The following ITPRID1 variants were observed in gnomAD, a reference collection of about 807,000 sequenced individuals.
ITPRID1 encodes the protein ITPR interacting domain containing 1.
Under a neutral mutation model 95.4 loss-of-function variants are expected in ITPRID1, and 96 were observed. The observed-to-expected ratio is 1.01, with a 90% confidence interval of 0.85 to 1.19. The LOEUF is 1.19. Ranked by LOEUF, ITPRID1 falls within the 50% of genes most tolerant of loss-of-function variation. ITPRID1 has a pLI of 0.00. For synonymous variants in ITPRID1, 510 were observed against 453.6 expected, an observed-to-expected ratio of 1.12 and a Z score of -1.58; for missense variants, 1,339 against 1,252.9, an observed-to-expected ratio of 1.07 and a Z score of -1.04.
In ITPRID1 at chr7:31,571,460, T is replaced by C. The variant is rs185539404; in HGVS notation, c.309-642T>C. 5.0e-3 allele frequency among the ~76,000 whole-genome samples: 763 copies of C among 152,368 alleles called. 9 individuals are homozygous for C. Among genetic ancestry groups the C allele is most frequent in the African/African-American group, 0.018 (729 of 41,584 alleles). On this transcript the variant is annotated intron_variant, in intron 6 of 14. Coordinates refer to ENST00000615280, the MANE Select transcript of ITPRID1 (RefSeq NM_001257967.3). ...TATGCCAACTGGCTATTATATTTGA[T>C]GGGGCTAGATGTGATCCATGGTATA...
Position 31,566,086 on chromosome 7 carries a change from C to T in ITPRID1, c.257-3672C>T, listed in dbSNP as rs76366398. The stretch of plus-strand genomic sequence containing the variant: ...CCTGATCAAGTGACAGGACACAGGG[C>T]GTGGTCCATGGAGTGTATCCTCTAG... On this transcript the variant is annotated intron_variant, in intron 5 of 14. Transcript: ENST00000615280. Among the ~76,000 whole-genome samples the T allele has an allele frequency of 5.8e-4, 88 of 152,266 alleles. No homozygotes were observed. In the East Asian group the frequency reaches 0.016, roughly 28 times the overall value.
chr7:31,652,927 C>G lies in ITPRID1; in HGVS notation c.*98C>G. On this transcript the variant is annotated 3_prime_UTR_variant, in exon 15 of 15. Coordinates refer to ENST00000615280, the MANE Select transcript of ITPRID1 (RefSeq NM_001257967.3). The stretch of plus-strand genomic sequence containing the variant: ...TTCCCCAAGGAGAAGGGTCTGCCAA[C>G]CCATTGTCAGCTATATCTCTCATAT... The G allele has an allele frequency of 1.2e-5, 18 of 1,525,436 alleles. No individual in the cohort carries two copies. In the South Asian group the frequency reaches 2.4e-4, roughly 20 times the overall value. 94.5% of individuals were successfully genotyped at this position (1,525,436 alleles called of 1,614,324 possible).
intron 5 of ITPRID1, among the ~76,000 whole-genome samples, chr7:31,555,937 A>G (rs911159336): frequency 2.4e-4 from 36 of 152,282 alleles, no homozygotes; most frequent in African/African-American, 8.2e-4. Flanking sequence ...AAATACTGTA[A>G]AGATTTTTGC....
intron 5 of ITPRID1, chr7:31,555,150 A>G: frequency 2.6e-6 from 1 of 381,504 alleles, no homozygotes; most frequent in South Asian, 6.0e-5. Flanking sequence ...AGAGTATAGC[A>G]TAAACTCACT....
chr7:31,600,275 T>C (rs1786337136), intron 10 of ITPRID1, among the ~76,000 whole-genome samples: 1 of 152,256 alleles, frequency 6.6e-6, no homozygotes, highest in Non-Finnish European at 1.5e-5. Context: ...TAACAATATG[T>C]ATCAGAAAGC....
chr7:31,616,533 C>A (rs1271525824), intron 10 of ITPRID1, among the ~76,000 whole-genome samples: 3 of 152,180 alleles, frequency 2.0e-5, no homozygotes, highest in South Asian at 4.1e-4. Context: ...AGGAGGTCAT[C>A]TGCCCATCAA....
At position 31,578,363 on chromosome 7, in the gene ITPRID1, T is replaced by C; in HGVS notation, c.1099T>C (p.Phe367Leu). 2 of 1,613,754 alleles carry C rather than the reference T, an allele frequency of 1.2e-6. No homozygotes were observed. The highest frequency in any genetic ancestry group is 1.1e-5 in the South Asian group (1 of 91,076). Residue 367 changes from phenylalanine (F) to leucine (L), a missense_variant, in exon 9 of 15, where the codon TTT becomes CTT. Physicochemically the swap from Phe to Leu is conservative, Grantham distance 22. Transcript: ENST00000615280. Reference protein sequence around the residue: ...VKGRTQKENLFQTNKLKSLSH... With the variant: ...VKGRTQKENLLQTNKLKSLSH... ...GGGCAGAACTCAGAAGGAGAACTTATTTCAGACTAACAAGCTCAAGAGCTT... is the reference window on the plus strand; with the variant it reads ...GGGCAGAACTCAGAAGGAGAACTTACTTCAGACTAACAAGCTCAAGAGCTT...
chr7:31,598,699 G>C (rs973729850), intron 10 of ITPRID1, among the ~76,000 whole-genome samples: 2 of 151,794 alleles, frequency 1.3e-5, no homozygotes, highest in African/African-American at 4.8e-5. Flanking sequence ...CACCGCGCTC[G>C]GTCTAAAATA....
At chr7:31,551,175 T>G (rs1784274875) in intron 2 of ITPRID1, among the ~76,000 whole-genome samples, 1 of 143,386 alleles carries the variant, frequency 7.0e-6, no homozygotes, top group Non-Finnish European at 1.6e-5. Context: ...GGTTTTGGAG[T>G]TTTTCCTCCT....
At chr7:31,551,101 A>G (rs1784272879) in intron 2 of ITPRID1, among the ~76,000 whole-genome samples, 1 of 143,116 alleles carries the variant, frequency 7.0e-6, no homozygotes, top group South Asian at 2.3e-4. Context: ...GTGATATGTT[A>G]TTCTTTTCTT....
Position 31,571,669 on chromosome 7 carries a change from G to T in ITPRID1, c.309-433G>T, listed in dbSNP as rs528758371. Among the ~76,000 whole-genome samples, 10 of 152,324 alleles carry T rather than the reference G, an allele frequency of 6.6e-5. No individual in the cohort carries two copies. In the East Asian group the frequency reaches 1.7e-3, roughly 26 times the overall value. On this transcript the variant is annotated intron_variant, in intron 6 of 14. Coordinates refer to ENST00000615280, the MANE Select transcript of ITPRID1 (RefSeq NM_001257967.3). The stretch of plus-strand genomic sequence containing the variant: ...GCCCTGGAGACAGCACTTAGAGAGT[G>T]TTAGCCATGTGATATGAAATCCTTC...
chr7:31,602,036 AG>A (rs201690591), intron 10 of ITPRID1, among the ~76,000 whole-genome samples: 55 of 151,954 alleles, frequency 3.6e-4, no homozygotes, highest in Middle Eastern at 6.8e-3. Flanking sequence ...CTTTATGATA[AG>A]GGGTTTTTTT....
At chr7:31,645,015 G>T (rs1040790446) in intron 12 of ITPRID1, among the ~76,000 whole-genome samples, 1 of 152,044 alleles carries the variant, frequency 6.6e-6, no homozygotes, top group African/African-American at 2.4e-5. Context: ...ATAAATATTT[G>T]TTGGGCTCCT....
chr7:31,519,299 G>A (rs1213783531), intron 1 of ITPRID1, among the ~76,000 whole-genome samples: 1 of 152,080 alleles, frequency 6.6e-6, no homozygotes, highest in Non-Finnish European at 1.5e-5. Context: ...GAGCTTGGAG[G>A]AGGGGCACAT....
In ITPRID1 at chr7:31,651,020, A is replaced by C. The variant is rs74421000; in HGVS notation, c.2584-122A>C. On this transcript the variant is annotated intron_variant, in intron 12 of 14. Transcript: ENST00000615280. ...GCTCTTCCTATTCCCTCCCCCTTAT[A>C]TTAGCAGTAGGGCCTGTTTGCGAAA... 4.1e-3 allele frequency: 4,233 copies of C among 1,043,588 alleles called. 132 individuals are homozygous for C. In the African/African-American group the frequency reaches 0.059, roughly 15 times the overall value. The allele number at this position is 1,043,588 out of a possible 1,614,324, so 64.6% of individuals were successfully genotyped here.
At chr7:31,540,479 A>C (rs1783898964) in intron 1 of ITPRID1, among the ~76,000 whole-genome samples, 1 of 152,208 alleles carries the variant, frequency 6.6e-6, no homozygotes, top group Admixed American at 6.5e-5. Flanking sequence ...ATGAGTCAAG[A>C]CTAGAATTTA....
chr7:31,654,053 C>A lies in ITPRID1; in HGVS notation c.*1224C>A, dbSNP rs1247817872. On this transcript the variant is annotated 3_prime_UTR_variant, in exon 15 of 15. Coordinates refer to ENST00000615280, the MANE Select transcript of ITPRID1 (RefSeq NM_001257967.3). ...GAAAGAGTTGGATGAAGAGTAAGTC[C>A]AAAAAAAAAAAAAAAAAAACCAACA... Among the ~76,000 whole-genome samples the A allele has an allele frequency of 4.6e-5, 6 of 130,330 alleles. No individual in the cohort carries two copies. The highest frequency in any genetic ancestry group is 8.5e-5 in the African/African-American group (3 of 35,342). The allele number at this position is 130,330 out of a possible 152,430, so 85.5% of individuals were successfully genotyped here.
chr7:31,556,409 G>C (rs559723739), intron 5 of ITPRID1, among the ~76,000 whole-genome samples: 3 of 152,084 alleles, frequency 2.0e-5, no homozygotes, highest in Admixed American at 2.0e-4. Context: ...GGTTTGTTTC[G>C]TCTGTTTGTT....
intron 5 of ITPRID1, among the ~76,000 whole-genome samples, chr7:31,564,656 G>T (rs1784735829): frequency 6.6e-6 from 1 of 152,162 alleles, no homozygotes; most frequent in South Asian, 2.1e-4. Context: ...CAGGTAGCAG[G>T]AGTAGTTTGT....
Sources: gnomAD v4.1 joint callset for allele counts (sites outside exome capture counted in the v4.1 genomes callset) on GRCh38, gnomAD v4.1.1 for gene constraint, MANE v1.5 for transcripts, NCBI Gene and HGNC (gene_info 2026-07-23, HGNC 2026-07-21) for gene names.